GPM6A: variants seen among roughly 807,000 people sequenced by gnomAD.
GPM6A encodes neuronal membrane glycoprotein M6-a.
A neutral mutation model predicts 32.1 loss-of-function variants in GPM6A; 7 were observed. The ratio of observed to expected loss-of-function variants is 0.22; its 90% confidence interval spans 0.12 to 0.41. The LOEUF is 0.41. Among genes scored for constraint, GPM6A ranks in the 10% least tolerant of loss-of-function variants. The pLI is 1.00. For synonymous variants in GPM6A, 130 were observed against 123.4 expected, an observed-to-expected ratio of 1.05 and a Z score of -0.35; for missense variants, 235 against 347.2, an observed-to-expected ratio of 0.68 and a Z score of 2.57.
intron 1 of GPM6A, among the ~76,000 whole-genome samples, chr4:175,752,864 A>C (rs1372474070): frequency 6.6e-6 from 1 of 152,190 alleles, no homozygotes; most frequent in Admixed American, 6.6e-5. Context: ...AGCTGTGTTA[A>C]GGCTCCATCT....
At chr4:175,689,332 G>A (rs557386344) in intron 2 of GPM6A, among the ~76,000 whole-genome samples, 43 of 152,158 alleles carry the variant, frequency 2.8e-4, no homozygotes, top group Non-Finnish European at 5.1e-4. Flanking sequence ...GTTTTTCAGT[G>A]CATTATATGG....
chr4:176,002,280 G>T (rs757531845), intron 1 of GPM6A: 3 of 1,598,340 alleles, frequency 1.9e-6, no homozygotes, highest in South Asian at 2.3e-5. Context: ...GCCTTTGGGC[G>T]AGGTGTACGC....
intron 2 of GPM6A, among the ~76,000 whole-genome samples, chr4:175,676,765 G>GA (rs901410474): frequency 6.0e-5 from 9 of 150,672 alleles, no homozygotes; most frequent in Non-Finnish European, 8.9e-5. Flanking sequence ...AATGTGAAAG[G>GA]AAAAAAAAGG....
intron 1 of GPM6A, among the ~76,000 whole-genome samples, chr4:175,916,782 A>C (rs1376352685): frequency 6.6e-6 from 1 of 152,200 alleles, no homozygotes; most frequent in Non-Finnish European, 1.5e-5. Context: ...AGGAGCAGTC[A>C]AGCGTTTCAG....
At chr4:175,831,293 A>G (rs1038314606) in intron 1 of GPM6A, among the ~76,000 whole-genome samples, 1 of 152,192 alleles carries the variant, frequency 6.6e-6, no homozygotes, top group African/African-American at 2.4e-5. Context: ...TAGAATTATT[A>G]GTCAAAATTG....
At chr4:175,842,632 T>G (rs1164957697) in intron 1 of GPM6A, among the ~76,000 whole-genome samples, 3 of 152,162 alleles carry the variant, frequency 2.0e-5, no homozygotes, top group Non-Finnish European at 4.4e-5. Context: ...AGGAGTTCAA[T>G]GCTTCAGTGA....
At chr4:175,949,113 A>G (rs1739715073) in intron 1 of GPM6A, among the ~76,000 whole-genome samples, 1 of 152,180 alleles carries the variant, frequency 6.6e-6, no homozygotes, top group Non-Finnish European at 1.5e-5. Flanking sequence ...TAACTTAAAC[A>G]TTCACAAAAT....
intron 3 of GPM6A, among the ~76,000 whole-genome samples, chr4:175,657,851 A>G (rs2110936023): frequency 6.6e-6 from 1 of 152,308 alleles, no homozygotes; most frequent in South Asian, 2.1e-4. Flanking sequence ...AAACCACAAC[A>G]CTAAGGCAGG....
chr4:175,881,967 T>TTTA (rs1737293906), intron 1 of GPM6A, among the ~76,000 whole-genome samples: 1 of 152,066 alleles, frequency 6.6e-6, no homozygotes, highest in Admixed American at 6.6e-5. Context: ...TGTGCACATG[T>TTTA]ACCCTAGAAG....
intron 4 of GPM6A, 105 bp from the exon 5 acceptor site, chr4:175,640,934 T>A: frequency 2.9e-6 from 2 of 689,752 alleles, no homozygotes; most frequent in Admixed American, 2.5e-5. Flanking sequence ...TTCCATTTTA[T>A]CTTATGTTAT....
At chr4:175,759,576 A>G (rs886675776) in intron 1 of GPM6A, among the ~76,000 whole-genome samples, 9 of 152,222 alleles carry the variant, frequency 5.9e-5, no homozygotes, top group Admixed American at 4.6e-4. Context: ...ATGATAGATT[A>G]TGAGTTTAAA....
intron 1 of GPM6A, among the ~76,000 whole-genome samples, chr4:175,988,847 A>G (rs544871169): frequency 1.3e-5 from 2 of 152,244 alleles, no homozygotes; most frequent in East Asian, 3.9e-4. Flanking sequence ...CAGGCTCATT[A>G]CTCTGATTTG....
At chr4:175,667,330 G>C (rs997880894) in intron 3 of GPM6A, among the ~76,000 whole-genome samples, 2 of 152,030 alleles carry the variant, frequency 1.3e-5, no homozygotes, top group Non-Finnish European at 2.9e-5. Flanking sequence ...ATCTAATCAT[G>C]AGAAAAACAT....
intron 2 of GPM6A, among the ~76,000 whole-genome samples, chr4:175,692,128 A>C (rs73002116): frequency 0.047 from 7,175 of 152,274 alleles, 202 homozygotes; most frequent in Non-Finnish European, 0.063. Context: ...TTAAGTAACC[A>C]TATTTGTGGT....
In GPM6A at chr4:175,841,640, ATT is replaced by A. The variant is rs560580360; in HGVS notation, c.-22-29393_-22-29392del. Reference sequence around the variant, plus strand: ...TTCTGCAATGTGTTGTTGTTGAAACATTCAGTCAAATAAAACATTTTCAATAA... The same window carrying A: ...TTCTGCAATGTGTTGTTGTTGAAACACAGTCAAATAAAACATTTTCAATAA... On this transcript the variant is annotated intron_variant, in intron 1 of 7. Transcript: ENST00000280187. 1.2e-3 allele frequency among the ~76,000 whole-genome samples: 184 copies of A among 152,316 alleles called. No homozygotes were observed. The Middle Eastern group carries it at 0.014, about 11-fold the overall frequency.
intron 1 of GPM6A, among the ~76,000 whole-genome samples, chr4:175,981,135 A>G (rs1015661853): frequency 6.6e-5 from 10 of 152,166 alleles, no homozygotes; most frequent in African/African-American, 2.4e-4. Flanking sequence ...AACTGGGGAA[A>G]TAGTTTTTAT....
chr4:175,741,892 TG>T (rs1254122802), intron 1 of GPM6A, among the ~76,000 whole-genome samples: 4 of 152,116 alleles, frequency 2.6e-5, no homozygotes, highest in African/African-American at 9.6e-5. Flanking sequence ...GAAAATGTTT[TG>T]GTAAATTAAT....
chr4:175,879,537 T>A (rs903329950), intron 1 of GPM6A, among the ~76,000 whole-genome samples: 1 of 152,098 alleles, frequency 6.6e-6, no homozygotes, highest in Non-Finnish European at 1.5e-5. Flanking sequence ...AAGTATCAGA[T>A]CTCATGAGAA....
chr4:175,791,357 C>T (rs958048863), intron 1 of GPM6A, among the ~76,000 whole-genome samples: 2 of 152,154 alleles, frequency 1.3e-5, no homozygotes, highest in Non-Finnish European at 2.9e-5. Flanking sequence ...AGACATGGAA[C>T]TCTAGCACCA....
Sources: allele counts gnomAD v4.1 joint callset (sites outside exome capture counted in the v4.1 genomes callset), GRCh38; gene constraint gnomAD v4.1.1; transcripts MANE v1.5; gene names NCBI Gene and HGNC (gene_info 2026-07-23, HGNC 2026-07-21).